ZSCAN25: variants seen among roughly 807,000 people sequenced by gnomAD.
The protein encoded by ZSCAN25 is zinc finger and SCAN domain-containing protein 25.
ZSCAN25 carries 27 observed loss-of-function variants against 38.7 expected under a neutral mutation model. That is an observed-to-expected ratio of 0.70 (90% CI 0.51 to 0.96). ZSCAN25 has a LOEUF of 0.96. Ranked by LOEUF, ZSCAN25 falls within the 40% of genes least tolerant of loss-of-function variation. The pLI is 0.00. For synonymous variants in ZSCAN25, 273 were observed against 277.7 expected (o/e 0.98, Z 0.17); for missense variants, 637 against 705.9 (o/e 0.90, Z 1.11).
chr7:99,623,498 C>A (rs945107706), intron 6 of ZSCAN25, among the ~76,000 whole-genome samples: 3 of 152,158 alleles, frequency 2.0e-5, no homozygotes, highest in African/African-American at 7.2e-5. Flanking sequence ...TAAAAGAGTT[C>A]TTTGAAGAAG....
chr7:99,676,376 C>G, the ZSCAN25 span: 2 of 1,525,126 alleles, frequency 1.3e-6, no homozygotes, highest in Middle Eastern at 1.7e-4. Flanking sequence ...CAGGTCCTTT[C>G]CTGACTATTC....
chr7:99,671,656 G>A, the ZSCAN25 span: 1 of 587,554 alleles, frequency 1.7e-6, no homozygotes, highest in Non-Finnish European at 3.0e-6. Context: ...AAGCAATGTA[G>A]GAAGGAGGGC....
chr7:99,642,451 G>A, the ZSCAN25 span, among the ~76,000 whole-genome samples: 1 of 152,216 alleles, frequency 6.6e-6, no homozygotes, highest in Admixed American at 6.5e-5. Context: ...AGTCAGGTGA[G>A]AAGGAACCCT....
chr7:99,702,121 A>T, the ZSCAN25 span, among the ~76,000 whole-genome samples: 9 of 128,572 alleles, frequency 7.0e-5, no homozygotes, highest in Middle Eastern at 5.4e-3. Flanking sequence ...CCAGAGTCTT[A>T]CTCTGTTGCC....
chr7:99,644,937 C>T, the ZSCAN25 span, among the ~76,000 whole-genome samples: 1 of 152,164 alleles, frequency 6.6e-6, no homozygotes, highest in African/African-American at 2.4e-5. Context: ...CACAGAAGCC[C>T]ACCCAGCAGG....
chr7:99,621,329 C>T (rs1361507917), intron 4 of ZSCAN25, 44 bp from the exon 5 acceptor site: 1 of 1,314,762 alleles, frequency 7.6e-7, no homozygotes, highest in East Asian at 2.8e-5. Flanking sequence ...TCATAACAGC[C>T]TTGCCCAGGC....
the ZSCAN25 span, among the ~76,000 whole-genome samples, chr7:99,713,953 AC>A: frequency 6.6e-6 from 1 of 152,098 alleles, no homozygotes; most frequent in African/African-American, 2.4e-5. Context: ...CACCTGGGTT[AC>A]CCCTTCTTGC....
chr7:99,663,683 C>A, the ZSCAN25 span: 1 of 1,036,332 alleles, frequency 9.6e-7, no homozygotes, highest in Non-Finnish European at 1.2e-6. Flanking sequence ...TATCCTTTGA[C>A]AATTTATTAA....
the ZSCAN25 span, chr7:99,659,300 G>T: frequency 5.2e-5 from 8 of 152,800 alleles, no homozygotes; most frequent in African/African-American, 1.9e-4. Context: ...TGACAGTCAG[G>T]ATCCTCAGCT....
the ZSCAN25 span, chr7:99,662,813 T>C: frequency 1.2e-6 from 2 of 1,613,656 alleles, no homozygotes; most frequent in Admixed American, 1.7e-5. The surrounding 1 kb of genome is among the most constrained non-coding windows in gnomAD (Gnocchi z 4.3). Flanking sequence ...ACTCCTTGGT[T>C]ACCTTTGTGG....
At chr7:99,686,760 C>A in the ZSCAN25 span, among the ~76,000 whole-genome samples, 442 of 152,178 alleles carry the variant, frequency 2.9e-3, 2 homozygotes, top group Middle Eastern at 0.01. Flanking sequence ...ACCCCCCCCC[C>A]AGTAGGGGCA....
intron 7 of ZSCAN25, among the ~76,000 whole-genome samples, chr7:99,627,445 A>G (rs1214949695): frequency 1.3e-5 from 2 of 152,288 alleles, no homozygotes; most frequent in East Asian, 1.9e-4. Flanking sequence ...ATATCTATCT[A>G]TATATACATA....
At chr7:99,633,592 G>A (rs1333709285), downstream of ZSCAN25, among the ~76,000 whole-genome samples, 1 of 152,266 alleles carries the variant, frequency 6.6e-6, no homozygotes, top group East Asian at 1.9e-4. Flanking sequence ...TTGAGACAGA[G>A]TCTTGCTCTG....
At chr7:99,734,852 C>A in the ZSCAN25 span, among the ~76,000 whole-genome samples, 1 of 152,094 alleles carries the variant, frequency 6.6e-6, no homozygotes, top group Admixed American at 6.5e-5. Context: ...GAACTCCTGA[C>A]CTCAGGCAGT....
the ZSCAN25 span, among the ~76,000 whole-genome samples, chr7:99,693,289 G>C: frequency 2.0e-5 from 3 of 152,240 alleles, no homozygotes; most frequent in East Asian, 5.8e-4. Context: ...AGGGGCACCC[G>C]CATGTTTGAA....
At chr7:99,632,986 G>GTTTTTTTTTTTTTTTTTTTTT (rs201141594), downstream of ZSCAN25, among the ~76,000 whole-genome samples, 78 of 141,516 alleles carry the variant, frequency 5.5e-4, no homozygotes, top group South Asian at 5.1e-3. Context: ...TGCATTTTCT[G>GTTTTTTTTTTTTTTTTTTTTT]TTGTTTTTTT....
the ZSCAN25 span, chr7:99,720,768 A>G: frequency 4.4e-6 from 1 of 229,182 alleles, no homozygotes; most frequent in Non-Finnish European, 8.8e-6. Flanking sequence ...TAGGTTTAAA[A>G]TATTTCCCTT....
the ZSCAN25 span, among the ~76,000 whole-genome samples, chr7:99,658,594 C>T: frequency 7.2e-5 from 11 of 152,020 alleles, no homozygotes; most frequent in South Asian, 4.1e-4. Flanking sequence ...ATCTTTGTGG[C>T]GTTCTCTGTA....
the ZSCAN25 span, among the ~76,000 whole-genome samples, chr7:99,667,713 A>G: frequency 6.6e-6 from 1 of 152,274 alleles, no homozygotes; most frequent in East Asian, 1.9e-4. Context: ...ATCTTCCACA[A>G]CTATGTTTTG....
Sources: gnomAD v4.1 joint callset for allele counts (sites outside exome capture counted in the v4.1 genomes callset) on GRCh38, gnomAD v4.1.1 for gene constraint, Gnocchi (gnomAD v3.1) non-coding constraint, MANE v1.5 for transcripts, NCBI Gene and HGNC (gene_info 2026-07-23, HGNC 2026-07-21) for gene names.